Variants in STRADA observed in about 807,000 individuals in gnomAD.
STRADA encodes the protein STE20 related adaptor alpha, also known as STE20-related kinase adapter protein alpha.
STRADA carries 26 observed loss-of-function variants against 55.0 expected under a neutral mutation model. That is an observed-to-expected ratio of 0.47 (90% CI 0.35 to 0.66). The LOEUF (loss-of-function observed/expected upper bound fraction) is 0.66. Ranked by LOEUF, STRADA falls within the 30% of genes least tolerant of loss-of-function variation. The probability of loss-of-function intolerance (pLI) is 0.01; values close to 1 mark genes in which losing one functional copy is unlikely to be tolerated. For missense variants in STRADA, 443 were observed against 549.7 expected (o/e 0.81, Z 1.94); for synonymous variants, 197 against 210.9 (o/e 0.93, Z 0.57).
At chr17:63,736,630 GA>G (rs1329003141) in intron 1 of STRADA, among the ~76,000 whole-genome samples, 21 of 144,774 alleles carry the variant, frequency 1.5e-4, no homozygotes, top group African/African-American at 4.6e-4. Context: ...TCTGCCCCAA[GA>G]AAAAAAAAAT....
upstream of STRADA, chr17:63,741,912 G>T (rs887309197): frequency 3.3e-5 from 5 of 152,320 alleles, no homozygotes; most frequent in Non-Finnish European, 7.3e-5. Context: ...CTGCGGGGAA[G>T]TCCCGCCCTT....
chr17:63,710,987 T>C (rs1228876295), intron 6 of STRADA, 151 bp from the exon 7 acceptor site: 2 of 672,030 alleles, frequency 3.0e-6, no homozygotes, highest in Non-Finnish European at 5.0e-6. Flanking sequence ...CCTGCCAACA[T>C]AGGAAAAACA....
intron 1 of STRADA, among the ~76,000 whole-genome samples, chr17:63,733,745 C>T (rs760149194): frequency 2.0e-5 from 3 of 152,234 alleles, no homozygotes; most frequent in Non-Finnish European, 4.4e-5. Flanking sequence ...TGAACACCTG[C>T]TTTCCTTCTG....
At chr17:63,734,255 C>T (rs187964751) in intron 1 of STRADA, among the ~76,000 whole-genome samples, 3 of 152,252 alleles carry the variant, frequency 2.0e-5, no homozygotes, top group Non-Finnish European at 4.4e-5. Context: ...CTCTAAGAAA[C>T]TTGTCACTGT....
intron 1 of STRADA, among the ~76,000 whole-genome samples, chr17:63,729,585 G>A (rs1432256128): frequency 1.3e-5 from 2 of 152,008 alleles, no homozygotes; most frequent in Non-Finnish European, 2.9e-5. Context: ...AGGAGTTCGA[G>A]ACTAGCCTGA....
chr17:63,703,516 G>T lies in STRADA; in HGVS notation c.*83C>A. ...CTTTCTACCCAATCTGCCCAGGAGG[G>T]CGGGAATGTGGCCGGCCCTCAGGAA... is the stretch of plus-strand genomic sequence containing the variant. On this transcript the variant is annotated 3_prime_UTR_variant, in exon 13 of 13. Coordinates refer to ENST00000336174, the MANE Select transcript of STRADA (RefSeq NM_001003787.4). 1 of 1,332,626 alleles carries T rather than the reference G, an allele frequency of 7.5e-7. No homozygotes were observed. Among genetic ancestry groups the T allele is most frequent in the Non-Finnish European group, 1.0e-6 (1 of 969,542 alleles). 82.6% of individuals were successfully genotyped at this position (1,332,626 alleles called of 1,614,324 possible). A position where few individuals can be genotyped will look rare whatever the true frequency, so the allele number is the denominator to read the frequency against.
At chr17:63,705,251 A>C in intron 10 of STRADA, 1 of 382,110 alleles carries the variant, frequency 2.6e-6, no homozygotes, top group Non-Finnish European at 4.9e-6. Context: ...GATTTAAATG[A>C]GGTTTAAAAT....
chr17:63,732,340 G>A (rs1357134384), intron 1 of STRADA, among the ~76,000 whole-genome samples: 1 of 152,068 alleles, frequency 6.6e-6, no homozygotes, highest in Non-Finnish European at 1.5e-5. Flanking sequence ...TTTTTTTGGA[G>A]ACAGGGTCTT....
At chr17:63,741,866 C>G (rs190845058), upstream of STRADA, 2 of 152,370 alleles carry the variant, frequency 1.3e-5, no homozygotes, top group African/African-American at 4.8e-5. Context: ...GTGGGGCGAC[C>G]GGGAGGACTG....
At chr17:63,709,252 G>A (rs1345731028) in intron 8 of STRADA, among the ~76,000 whole-genome samples, 2 of 152,226 alleles carry the variant, frequency 1.3e-5, no homozygotes, top group Admixed American at 6.5e-5. Context: ...GAGGCTCCCC[G>A]TCCTTGCCAC....
At chr17:63,713,868 C>A in intron 5 of STRADA, 138 bp downstream of exon 5, 2 of 738,112 alleles carry the variant, frequency 2.7e-6, no homozygotes, top group Non-Finnish European at 4.6e-6. Context: ...CAGAGAAGAC[C>A]CACAGAAGCA....
Position 63,740,151 on chromosome 17 carries a change from C to T in STRADA, c.-45+1590G>A, listed in dbSNP as rs917068203. 4.7e-3 allele frequency among the ~76,000 whole-genome samples: 377 copies of T among 79,638 alleles called. 12 individuals carry two copies. Among genetic ancestry groups the T allele is most frequent in the African/African-American group, 0.019 (343 of 18,096 alleles). The allele number at this position is 79,638 out of a possible 152,430, so 52.2% of individuals were successfully genotyped here. ...ATACACATACATATATATATATACA[C>T]ACACACACACACACACACACACACA... On this transcript the variant is annotated intron_variant, in intron 1 of 12. Transcript: ENST00000336174.
intron 8 of STRADA, 169 bp downstream of exon 8, chr17:63,710,322 C>T: frequency 8.7e-7 from 1 of 1,148,878 alleles, no homozygotes; most frequent in Non-Finnish European, 1.2e-6. Flanking sequence ...AGGCGTGAGC[C>T]ATCGCGCTGG....
chr17:63,707,532 G>T, intron 8 of STRADA, 114 bp from the exon 9 acceptor site: 2 of 903,126 alleles, frequency 2.2e-6, no homozygotes, highest in Non-Finnish European at 3.4e-6. Flanking sequence ...TGTTATACAC[G>T]TATATGTGTA....
At chr17:63,710,921 G>T in intron 6 of STRADA, 85 bp from the exon 7 acceptor site, 1 of 1,244,880 alleles carries the variant, frequency 8.0e-7, no homozygotes, top group Non-Finnish European at 1.2e-6. Flanking sequence ...TGGACAATAG[G>T]GGGACCTGGC....
intron 4 of STRADA, 56 bp from the exon 5 acceptor site, chr17:63,714,164 T>C (rs761987028): frequency 7.7e-7 from 1 of 1,303,146 alleles, no homozygotes; most frequent in South Asian, 1.2e-5. Flanking sequence ...GGGATGGGAG[T>C]GGGGTGAAGG....
At chr17:63,723,799 A>G (rs954766568) in intron 3 of STRADA, 2 of 153,340 alleles carry the variant, frequency 1.3e-5, no homozygotes, top group African/African-American at 4.8e-5. Context: ...CACGTGTATG[A>G]AGGACCATTA....
At chr17:63,709,349 G>A (rs527588567) in intron 8 of STRADA, among the ~76,000 whole-genome samples, 25 of 152,308 alleles carry the variant, frequency 1.6e-4, no homozygotes, top group South Asian at 2.1e-4. Context: ...CTCTGATTGC[G>A]AGATTTGAGT....
At chr17:63,740,748 A>G (rs1343529711) in intron 1 of STRADA, among the ~76,000 whole-genome samples, 3 of 152,166 alleles carry the variant, frequency 2.0e-5, no homozygotes, top group Non-Finnish European at 4.4e-5. Context: ...TCTAAAAACC[A>G]GAGTAAACTT....
Sources: allele counts gnomAD v4.1 joint callset (sites outside exome capture counted in the v4.1 genomes callset), GRCh38; gene constraint gnomAD v4.1.1; transcripts MANE v1.5; gene names NCBI Gene and HGNC (gene_info 2026-07-23, HGNC 2026-07-21).